The following JADE1 variants were observed in gnomAD, a reference collection of about 807,000 sequenced individuals.
The protein encoded by JADE1 is jade family PHD finger 1.
A neutral mutation model predicts 81.8 loss-of-function variants in JADE1; 14 were observed. That is an observed-to-expected ratio of 0.17 (90% CI 0.11 to 0.27). The LOEUF is 0.27. Among genes scored for constraint, JADE1 ranks in the 10% least tolerant of loss-of-function variants. The probability of loss-of-function intolerance (pLI) is 1.00; values close to 1 mark genes in which losing one functional copy is unlikely to be tolerated. For synonymous variants in JADE1, 353 were observed against 391.9 expected (o/e 0.90, Z 1.17); for missense variants, 690 against 1,047.9 (o/e 0.66, Z 4.71).
chr4:128,817,497 T>A (rs932369562), intron 1 of JADE1, among the ~76,000 whole-genome samples: 1 of 152,222 alleles, frequency 6.6e-6, no homozygotes, highest in African/African-American at 2.4e-5. Flanking sequence ...AATCTTTTTG[T>A]TTGTTTGTTT....
chr4:128,861,659 G>A, intron 8 of JADE1, 45 bp from the exon 9 acceptor site: 1 of 1,588,330 alleles, frequency 6.3e-7, no homozygotes, highest in Non-Finnish European at 8.6e-7. Context: ...TGCCATCATT[G>A]CTCTATAATG....
chr4:128,842,298 C>CT (rs1729498922), intron 2 of JADE1, among the ~76,000 whole-genome samples: 1 of 150,356 alleles, frequency 6.7e-6, no homozygotes, highest in Non-Finnish European at 1.5e-5. Flanking sequence ...CTTTTCTTTT[C>CT]TTTCTTTCTT....
intron 1 of JADE1, among the ~76,000 whole-genome samples, chr4:128,831,061 G>A (rs891657712): frequency 2.0e-5 from 3 of 152,178 alleles, no homozygotes; most frequent in Admixed American, 6.5e-5. Context: ...TTCCCACAAC[G>A]TGACCTTGGG....
At chr4:128,823,596 G>A (rs542180669) in intron 1 of JADE1, among the ~76,000 whole-genome samples, 3 of 152,188 alleles carry the variant, frequency 2.0e-5, no homozygotes, top group Admixed American at 1.3e-4. Flanking sequence ...ATTAGCTTGG[G>A]CCAGCATTTT....
In JADE1 at chr4:128,871,329, CTTTA is replaced by C; in HGVS notation, c.1622-22_1622-19del. The stretch of plus-strand genomic sequence containing the variant: ...TGGATTTGCTTCTGCTGTAATTTTT[CTTTA>C]TTTGTGGTTTTATGTTTATAGGTGT... On this transcript the variant is annotated intron_variant, in intron 10 of 10. Coordinates refer to ENST00000226319, the MANE Select transcript of JADE1 (RefSeq NM_199320.4). This position sits in a 1 kb window ranked among gnomAD's most constrained non-coding sequence, Gnocchi z 4.1. The C allele has an allele frequency of 6.3e-7, 1 of 1,581,512 alleles. No homozygotes were observed. Among genetic ancestry groups the C allele is most frequent in the Non-Finnish European group, 8.6e-7 (1 of 1,163,502 alleles).
In JADE1 at chr4:128,872,035, G is replaced by A. The variant is rs1732235332; in HGVS notation, c.2302G>A (p.Gly768Arg). 1.2e-6 allele frequency: 2 copies of A among 1,613,844 alleles called. No individual in the cohort carries two copies. The highest frequency in any genetic ancestry group is 1.7e-6 in the Non-Finnish European group (2 of 1,179,936). Residue 768 changes from glycine to arginine, a missense_variant, in exon 11 of 11, where the codon GGG (glycine) becomes AGG (arginine). Gly to Arg is a moderately radical substitution (Grantham distance 125). This residue lies in a region of JADE1 where 218 missense variants were observed against 274.3 expected (regional missense o/e 0.79). Coordinates refer to ENST00000226319, the MANE Select transcript of JADE1 (RefSeq NM_199320.4). ...GCAGCAGCAGGGAGAGGCCCACGAT[G>A]GGGCCTGCCACCAGCACTCAGACTA... Reference protein sequence around the residue: ...ERQQQGEAHDGACHQHSDYPY... With the variant: ...ERQQQGEAHDRACHQHSDYPY...
chr4:128,851,019 C>T (rs1350044923), intron 5 of JADE1, among the ~76,000 whole-genome samples: 1 of 152,144 alleles, frequency 6.6e-6, no homozygotes, highest in Admixed American at 6.5e-5. Context: ...CAACCTCTAC[C>T]TCCTGAGTTC....
chr4:128,824,916 G>A (rs1028491119), intron 1 of JADE1, among the ~76,000 whole-genome samples: 1 of 152,118 alleles, frequency 6.6e-6, no homozygotes, highest in African/African-American at 2.4e-5. Context: ...TGATAAATGG[G>A]CCCTGTTCCA....
At chr4:128,855,594 C>T in intron 6 of JADE1, 36 bp from the exon 7 acceptor site, 2 of 1,519,736 alleles carry the variant, frequency 1.3e-6, no homozygotes, top group Non-Finnish European at 1.8e-6. Context: ...TTTTCTCTTT[C>T]TCTCTATTCC....
At position 128,832,604 on chromosome 4, in the gene JADE1, GAA is replaced by G. The variant is rs1335130906; in HGVS notation, c.52+795_52+796del. Among the ~76,000 whole-genome samples the G allele has an allele frequency of 2.0e-5, 3 of 152,348 alleles. No individual in the cohort carries two copies. The East Asian group carries it at 5.8e-4, about 29-fold the overall frequency. The stretch of plus-strand genomic sequence containing the variant: ...GGAACTCTGCTTTAGACATATGTAA[GAA>G]GAGCTCTGATGTGAAAGTCATCAGG... On this transcript the variant is annotated intron_variant, in intron 2 of 10. Coordinates refer to ENST00000226319, the MANE Select transcript of JADE1 (RefSeq NM_199320.4).
At chr4:128,870,285 C>T (rs936988781) in intron 10 of JADE1, among the ~76,000 whole-genome samples, 1 of 152,090 alleles carries the variant, frequency 6.6e-6, no homozygotes, top group Non-Finnish European at 1.5e-5. Flanking sequence ...TGTTCTGAGT[C>T]GCTAGCTATG....
chr4:128,848,283 A>G lies in JADE1; in HGVS notation c.297-697A>G, dbSNP rs113155904. Among the ~76,000 whole-genome samples the G allele has an allele frequency of 5.6e-3, 845 of 152,236 alleles. 13 individuals are homozygous for G. The highest frequency in any genetic ancestry group is 0.019 in the African/African-American group (791 of 41,554). ...AACCTCCGCCTCCTGGGTTCAAGCA[A>G]TTCTCCTGCCCCAGCCTCCCGAGTA... On this transcript the variant is annotated intron_variant, in intron 4 of 10. Transcript: ENST00000226319.
chr4:128,834,728 G>A (rs1728841106), intron 2 of JADE1, among the ~76,000 whole-genome samples: 2 of 151,800 alleles, frequency 1.3e-5, no homozygotes, highest in Non-Finnish European at 2.9e-5. Flanking sequence ...TAGAGACAGG[G>A]TTTCATCATG....
chr4:128,856,427 A>T (rs1360856962), intron 7 of JADE1, among the ~76,000 whole-genome samples: 1 of 152,172 alleles, frequency 6.6e-6, no homozygotes, highest in South Asian at 2.1e-4. Context: ...GCAGACCTGT[A>T]GCACTTAAAC....
At position 128,849,142 on chromosome 4, in the gene JADE1, G is replaced by T; in HGVS notation, c.459G>T (p.Leu153=). Residue 153 remains leucine (L), a synonymous_variant, in exon 5 of 11, where the codon CTG becomes CTT. Transcript: ENST00000226319. The part of the protein sequence containing the change: ...LNDMDAAWLE[L]TNEEFKEMGM... ...ACATGGATGCTGCATGGCTGGAACT[G>T]ACCAATGAAGAATTTAAGGAGATGG... 1 of 1,611,688 alleles carries T rather than the reference G, an allele frequency of 6.2e-7. No individual in the cohort carries two copies. The highest frequency in any genetic ancestry group is 1.1e-5 in the South Asian group (1 of 90,814).
intron 1 of JADE1, among the ~76,000 whole-genome samples, chr4:128,813,585 A>AT (rs140288463): frequency 7.9e-4 from 118 of 150,284 alleles, no homozygotes; most frequent in Middle Eastern, 3.4e-3. Context: ...CGGCTGGCTA[A>AT]TTTTTTTTTG....
rs532652567 is a variant in JADE1, at chr4:128,814,672, C to T, written c.-27+4795C>T. On this transcript the variant is annotated intron_variant, in intron 1 of 10. Coordinates refer to ENST00000226319, the MANE Select transcript of JADE1 (RefSeq NM_199320.4). Reference sequence around the variant, plus strand: ...TGCCTCCCAGGTTCAAGCGATTCTCCTGCCTCAGCCTCCTGAGTAGCTGGG... The same window carrying T: ...TGCCTCCCAGGTTCAAGCGATTCTCTTGCCTCAGCCTCCTGAGTAGCTGGG... 2.0e-5 allele frequency among the ~76,000 whole-genome samples: 3 copies of T among 151,756 alleles called. No individual in the cohort carries two copies. The East Asian group carries it at 5.8e-4, about 29-fold the overall frequency.
intron 2 of JADE1, 144 bp downstream of exon 2, chr4:128,831,954 T>A (rs1206451205): frequency 1.4e-6 from 1 of 735,340 alleles, no homozygotes; most frequent in Non-Finnish European, 2.4e-6. Context: ...GAAACGTACC[T>A]GAGTGTGATA....
chr4:128,810,969 T>C (rs992654847), intron 1 of JADE1, among the ~76,000 whole-genome samples: 1 of 152,184 alleles, frequency 6.6e-6, no homozygotes, highest in Non-Finnish European at 1.5e-5. Flanking sequence ...GTGGGGTCTC[T>C]TGGTCTCCTT....
Sources: gnomAD v4.1 joint callset for allele counts (sites outside exome capture counted in the v4.1 genomes callset) on GRCh38, gnomAD v4.1.1 for gene constraint, gnomAD v4.1.1 regional missense constraint, Gnocchi (gnomAD v3.1) non-coding constraint, MANE v1.5 for transcripts, NCBI Gene and HGNC (gene_info 2026-07-23, HGNC 2026-07-21) for gene names.